SS18: variants seen among roughly 807,000 people sequenced by gnomAD.
SS18 encodes SS18 subunit of BAF chromatin remodeling complex.
In SS18, 28 loss-of-function variants were observed where a neutral mutation model predicts 72.5. That is an observed-to-expected ratio of 0.39 (90% CI 0.29 to 0.53). The LOEUF (loss-of-function observed/expected upper bound fraction) is 0.53, where lower values mean the gene tolerates loss of function less well. Ranked by LOEUF, SS18 falls within the 20% of genes least tolerant of loss-of-function variation. SS18 has a pLI of 0.76. For missense variants in SS18, 518 were observed against 535.3 expected (o/e 0.97, Z 0.32); for synonymous variants, 172 against 164.2 (o/e 1.05, Z -0.37).
upstream of SS18, chr18:26,090,936 G>C: frequency 3.1e-6 from 1 of 320,440 alleles, no homozygotes; most frequent in Non-Finnish European, 5.8e-6. Context: ...AGAGGCTGGG[G>C]CAGCCCCTGT....
chr18:26,081,414 C>G (rs2144159948), intron 2 of SS18: 1 of 152,436 alleles, frequency 6.6e-6, no homozygotes, highest in East Asian at 1.9e-4. Context: ...TGGTCTTGAA[C>G]TCCTGATCTC....
intron 3 of SS18, among the ~76,000 whole-genome samples, chr18:26,070,328 C>T (rs112700234): frequency 0.015 from 2,316 of 152,204 alleles, 63 homozygotes; most frequent in African/African-American, 0.053. Flanking sequence ...TTTGAATTGT[C>T]AGCTTTTTAT....
intron 3 of SS18, among the ~76,000 whole-genome samples, chr18:26,066,604 A>G (rs865889504): frequency 8.1e-5 from 12 of 148,734 alleles, no homozygotes; most frequent in African/African-American, 2.2e-4. Context: ...ATTTGTGCAC[A>G]CACACACACA....
rs1220928609 is a variant in SS18 at position 26,038,586 on chromosome 18, T to C, written c.849A>G (p.Pro283=). ...DQYSHGGQGP[P]EGMNQQYYPD... is the part of the protein sequence containing the mutation. ...GGTAATATTGCTGGTTCATGCCTTC[T>C]GGAGGACCTTGTCCACCATGACTGT... The change falls in exon 7 of 11, where the codon CCA becomes CCG. Residue 283 remains proline (P), a synonymous_variant. Transcript: ENST00000415083. 1 of 1,613,452 alleles carries C rather than the reference T, an allele frequency of 6.2e-7. No individual in the cohort carries two copies. The highest frequency in any genetic ancestry group is 1.1e-5 in the South Asian group (1 of 91,066).
chr18:26,090,630 G>C, upstream of SS18: 1 of 1,508,408 alleles, frequency 6.6e-7, no homozygotes, highest in South Asian at 1.2e-5. Flanking sequence ...CAAACTGGGG[G>C]AGAGACGCCG....
chr18:26,027,353 AAAAG>A (rs1233990364), intron 10 of SS18, among the ~76,000 whole-genome samples: 1 of 149,134 alleles, frequency 6.7e-6, no homozygotes, highest in Non-Finnish European at 1.5e-5. Flanking sequence ...TCCAGTAGGT[AAAAG>A]AGAGTTTTTG....
intron 5 of SS18, among the ~76,000 whole-genome samples, chr18:26,045,770 A>AT (rs2053809129): frequency 6.6e-6 from 1 of 152,216 alleles, no homozygotes; most frequent in African/African-American, 2.4e-5. Context: ...GAAAAAAATC[A>AT]TAATTATTCC....
At position 26,035,011 on chromosome 18, in the gene SS18, CCTG is replaced by C. The variant is rs745767004; in HGVS notation, c.1087_1089del (p.Gln363del). 1.2e-6 allele frequency: 2 copies of C among 1,613,014 alleles called. No individual in the cohort carries two copies. Among genetic ancestry groups the C allele is most frequent in the East Asian group, 4.5e-5 (2 of 44,844 alleles). ...ACACTGTACAAAGCTTTACCGTAGCCCTGCTGCTGTCCTGGGTAACCTTGCTGC... is the reference window on the plus strand; with the variant it reads ...ACACTGTACAAAGCTTTACCGTAGCCCTGCTGTCCTGGGTAACCTTGCTGC... On this transcript the variant is annotated inframe_deletion, in exon 9 of 11. Transcript: ENST00000415083. This position sits in a 1 kb window ranked among gnomAD's most constrained non-coding sequence, Gnocchi z 4.4.
intron 5 of SS18, among the ~76,000 whole-genome samples, chr18:26,046,115 C>G (rs2053816169): frequency 6.9e-6 from 1 of 145,616 alleles, no homozygotes; most frequent in Non-Finnish European, 1.5e-5. Flanking sequence ...ACACTTGAAC[C>G]TGGGAAGTGG....
chr18:26,083,147 G>A (rs1386800377), intron 2 of SS18, among the ~76,000 whole-genome samples: 1 of 152,110 alleles, frequency 6.6e-6, no homozygotes, highest in African/African-American at 2.4e-5. Flanking sequence ...AAAAACGGCA[G>A]AATTTAAGAT....
At position 26,035,329 on chromosome 18, in the gene SS18, G is replaced by C. The variant is rs1395817607; in HGVS notation, c.974-202C>G. The C allele has an allele frequency of 1.9e-6, 1 of 533,238 alleles. No homozygotes were observed. Among genetic ancestry groups the C allele is most frequent in the Non-Finnish European group, 3.3e-6 (1 of 306,280 alleles). 33.0% of individuals were successfully genotyped at this position (533,238 alleles called of 1,614,324 possible). A position where few individuals can be genotyped will look rare whatever the true frequency, so the allele number is the denominator to read the frequency against. On this transcript the variant is annotated intron_variant, in intron 8 of 10. Coordinates refer to ENST00000415083, the MANE Select transcript of SS18 (RefSeq NM_001007559.3). The surrounding 1 kb of genome is among the most constrained non-coding windows in gnomAD (Gnocchi z 4.4). Reference sequence around the variant, plus strand: ...CTGCAGTTAAAGCCAATTTTGCAAGGTTGAACTGCAGCATTTTCAGCGTCT... The same window carrying C: ...CTGCAGTTAAAGCCAATTTTGCAAGCTTGAACTGCAGCATTTTCAGCGTCT...
chr18:26,041,091 G>C (rs999735738), intron 5 of SS18, among the ~76,000 whole-genome samples: 3 of 152,174 alleles, frequency 2.0e-5, no homozygotes, highest in African/African-American at 7.2e-5. Flanking sequence ...GCACATGTTT[G>C]TTCTATTTTT....
intron 2 of SS18, among the ~76,000 whole-genome samples, chr18:26,085,032 C>T (rs1472303088): frequency 6.6e-6 from 1 of 152,104 alleles, no homozygotes; most frequent in Admixed American, 6.5e-5. Context: ...TGCAATTACT[C>T]TCAAATGTTT....
intron 10 of SS18, among the ~76,000 whole-genome samples, chr18:26,026,021 G>C (rs1407273177): frequency 6.6e-6 from 1 of 152,132 alleles, no homozygotes; most frequent in Non-Finnish European, 1.5e-5. Flanking sequence ...ATATAAAACA[G>C]AATGATTGTA....
At chr18:26,055,818 C>A (rs1169978433) in intron 4 of SS18, among the ~76,000 whole-genome samples, 1 of 142,784 alleles carries the variant, frequency 7.0e-6, no homozygotes, top group Non-Finnish European at 1.5e-5. Flanking sequence ...GGTGCAGTGG[C>A]GTGATTTCGG....
intron 10 of SS18, among the ~76,000 whole-genome samples, chr18:26,021,555 A>T (rs1457282074): frequency 1.3e-5 from 2 of 152,208 alleles, no homozygotes; most frequent in Non-Finnish European, 2.9e-5. Flanking sequence ...CTCTGACTAC[A>T]GTATAAAGAA....
At chr18:26,036,104 G>A (rs1172392678) in intron 7 of SS18, among the ~76,000 whole-genome samples, 181 bp from the exon 8 acceptor site, 1 of 151,972 alleles carries the variant, frequency 6.6e-6, no homozygotes, top group Non-Finnish European at 1.5e-5. Flanking sequence ...GAGATAACGT[G>A]CAAATTTTTT....
chr18:26,087,493 A>G lies in SS18; in HGVS notation c.146+8T>C. 6.5e-7 allele frequency: 1 copy of G among 1,533,398 alleles called. No homozygotes were observed. Among genetic ancestry groups the G allele is most frequent in the Non-Finnish European group, 8.9e-7 (1 of 1,127,460 alleles). 95.0% of individuals were successfully genotyped at this position (1,533,398 alleles called of 1,614,324 possible). On this transcript the variant is annotated splice_region_variant and intron_variant, in intron 2 of 10. Coordinates refer to ENST00000415083, the MANE Select transcript of SS18 (RefSeq NM_001007559.3). ...CTGAATAAAAAAAAAGTTTCTTATC[A>G]ATCTTACTGAGAACACTCTGAGGTC...
At chr18:26,089,099 G>A (rs1467064482) in intron 1 of SS18, among the ~76,000 whole-genome samples, 2 of 152,040 alleles carry the variant, frequency 1.3e-5, no homozygotes, top group Non-Finnish European at 2.9e-5. Context: ...TGTAGAATAA[G>A]GCAATTAATT....
Sources: allele counts gnomAD v4.1 joint callset (sites outside exome capture counted in the v4.1 genomes callset), GRCh38; gene constraint gnomAD v4.1.1; non-coding constraint Gnocchi (gnomAD v3.1); transcripts MANE v1.5; gene names NCBI Gene and HGNC (gene_info 2026-07-23, HGNC 2026-07-21).